Variants in MIER1 observed in about 807,000 individuals in gnomAD.
MIER1 encodes MIER1 transcriptional regulator.
A neutral mutation model predicts 75.7 loss-of-function variants in MIER1; 40 were observed. The ratio of observed to expected loss-of-function variants is 0.53; its 90% CI spans 0.41 to 0.69. The LOEUF is 0.69. Ranked by LOEUF, MIER1 falls within the 30% of genes least tolerant of loss-of-function variation. The pLI is 0.00. For synonymous variants in MIER1, 213 were observed against 223.4 expected (o/e 0.95, Z 0.42); for missense variants, 574 against 680.2 (o/e 0.84, Z 1.74).
chr1:66,981,498 G>C (rs1457152554), intron 12 of MIER1, among the ~76,000 whole-genome samples: 1 of 151,952 alleles, frequency 6.6e-6, no homozygotes, highest in Non-Finnish European at 1.5e-5. Context: ...GTTCTAGTTG[G>C]GCCACTCTGA....
In MIER1 at chr1:66,963,091, A is replaced by G. The variant is rs757033519; in HGVS notation, c.703A>G (p.Ile235Val). ...TTTTATGTTATTTTTAAAATAGGAG[A>G]TTATGGTGGGCTCCATGTTTCAAGC... is the stretch of plus-strand genomic sequence containing the variant. ...YIPSEDWKKE[I>V]MVGSMFQAEI... The change falls in exon 8 of 14, where the codon ATT becomes GTT. Residue 235 changes from isoleucine (I) to valine (V), a missense_variant. This residue lies in a region of MIER1 where 309 missense variants were observed against 352.8 expected (regional missense o/e 0.88). Transcript: ENST00000401041. The G allele has an allele frequency of 6.2e-7, 1 of 1,604,672 alleles. No homozygotes were observed. The highest frequency in any genetic ancestry group is 8.5e-7 in the Non-Finnish European group (1 of 1,172,064).
chr1:66,946,513 T>C (rs1454474618), intron 4 of MIER1: 2 of 1,245,132 alleles, frequency 1.6e-6, no homozygotes, highest in South Asian at 2.5e-5. Flanking sequence ...CATAGTTACT[T>C]TGGTAAAACA....
At chr1:66,968,193 T>TG (rs1459675124) in intron 8 of MIER1, among the ~76,000 whole-genome samples, 6 of 152,142 alleles carry the variant, frequency 3.9e-5, no homozygotes, top group African/African-American at 1.4e-4. Flanking sequence ...GAGATTGCTT[T>TG]GGAGGGATCG....
chr1:66,954,714 T>G (rs535891358), intron 4 of MIER1, among the ~76,000 whole-genome samples: 6 of 152,058 alleles, frequency 3.9e-5, no homozygotes, highest in Admixed American at 3.9e-4. Flanking sequence ...TTTCCTTTTT[T>G]TTTTTTCTTG....
At chr1:66,935,452 T>G (rs1654563819) in intron 2 of MIER1, among the ~76,000 whole-genome samples, 1 of 152,172 alleles carries the variant, frequency 6.6e-6, no homozygotes, top group Non-Finnish European at 1.5e-5. Flanking sequence ...ATGTACCCCC[T>G]AAAACACTGA....
rs1408245812 is a variant in MIER1, at chr1:66,972,908, G to C, written c.1018G>C (p.Val340Leu). Residue 340 changes from valine (V) to leucine (L), a missense_variant, in exon 11 of 14, where the codon GTT becomes CTT. Physicochemically the swap from Val to Leu is conservative, Grantham distance 32 (BLOSUM62 1). Around this residue, in one of 3 missense-constraint regions of MIER1, gnomAD observed 101 missense variants for 173.1 expected, o/e 0.58. Transcript: ENST00000401041. ...NVKAAREELSVWTEEECRNFE... is the reference protein window; with the variant it reads ...NVKAAREELSLWTEEECRNFE... The stretch of plus-strand genomic sequence containing the variant: ...TCCCATCTTGTCAGAGGAATTATCT[G>C]TTTGGACAGAGGAAGAGTGTAGAAA... 2 of 1,590,202 alleles carry C rather than the reference G, an allele frequency of 1.3e-6. No homozygotes were observed. The highest frequency in any genetic ancestry group is 2.2e-5 in the East Asian group (1 of 44,620).
chr1:66,985,963 C>T lies in MIER1; in HGVS notation c.*1063C>T. 1 of 985,014 alleles carries T rather than the reference C, an allele frequency of 1.0e-6. No individual in the cohort carries two copies. The highest frequency in any genetic ancestry group is 1.2e-6 in the Non-Finnish European group (1 of 829,734). 61.0% of individuals were successfully genotyped at this position (985,014 alleles called of 1,614,324 possible). ...TTGAAGCAAGACAAAAGTTTAATGT[C>T]AGCTTAAGTGCTTAAATATATCATG... On this transcript the variant is annotated 3_prime_UTR_variant, in exon 14 of 14. Transcript: ENST00000401041.
intron 3 of MIER1, chr1:66,940,270 C>CTTTTTTTTTTTTTTT (rs35904130): frequency 7.9e-6 from 1 of 126,650 alleles, no homozygotes; most frequent in Non-Finnish European, 1.4e-5. Context: ...TTTGGGTTTT[C>CTTTTTTTTTTTTTTT]TTTTTTTTTT....
chr1:66,959,811 A>ATTTT, intron 7 of MIER1, 68 bp downstream of exon 7: 1 of 497,838 alleles, frequency 2.0e-6, no homozygotes, highest in South Asian at 4.4e-5. Flanking sequence ...TCGTGTAATT[A>ATTTT]TTTTTTTTTT....
At chr1:66,930,730 G>T (rs1255834921) in intron 2 of MIER1, among the ~76,000 whole-genome samples, 3 of 152,144 alleles carry the variant, frequency 2.0e-5, no homozygotes, top group African/African-American at 2.4e-5. Flanking sequence ...TAGGGGCCAG[G>T]AGAGAAGCTG....
chr1:66,973,105 C>A, intron 11 of MIER1, 114 bp downstream of exon 11: 1 of 603,432 alleles, frequency 1.7e-6, no homozygotes. Flanking sequence ...ATTAATATGA[C>A]AATATTTTGG....
Position 66,925,108 on chromosome 1 carries a change from T to C in MIER1, c.67+13T>C, listed in dbSNP as rs1651165238. 1 of 1,546,142 alleles carries C rather than the reference T, an allele frequency of 6.5e-7. No homozygotes were observed. Among genetic ancestry groups the C allele is most frequent in the Non-Finnish European group, 8.7e-7 (1 of 1,145,436 alleles). ...AGCGGCAGCGGCTGTAAGTGCAGCC[T>C]CCACAAGCCATCTCTCCCCTTCTAT... is the stretch of plus-strand genomic sequence containing the variant. On this transcript the variant is annotated intron_variant, in intron 1 of 13. Coordinates refer to ENST00000401041, the MANE Select transcript of MIER1 (RefSeq NM_001077700.3).
In MIER1 at chr1:66,925,271, G is replaced by T. The variant is rs1274798484; in HGVS notation, c.67+176G>T. The T allele has an allele frequency of 4.1e-6, 4 of 984,012 alleles. No individual in the cohort carries two copies. The African/African-American group carries it at 7.0e-5, about 17-fold the overall frequency. 61.0% of individuals were successfully genotyped at this position (984,012 alleles called of 1,614,324 possible). On this transcript the variant is annotated intron_variant, in intron 1 of 13. Coordinates refer to ENST00000401041, the MANE Select transcript of MIER1 (RefSeq NM_001077700.3). ...GCAGAACGCGCCTGGCTTGCTCTCCGCCGGCTGCCAAAGGCGCATGCGCAG... is the reference window on the plus strand; with the variant it reads ...GCAGAACGCGCCTGGCTTGCTCTCCTCCGGCTGCCAAAGGCGCATGCGCAG...
chr1:66,968,128 G>T (rs1456042757), intron 8 of MIER1, among the ~76,000 whole-genome samples: 2 of 152,022 alleles, frequency 1.3e-5, no homozygotes, highest in African/African-American at 4.8e-5. Flanking sequence ...TTCTCATTTT[G>T]AGAATTTAAG....
chr1:66,938,629 A>G (rs1392584739), intron 2 of MIER1, among the ~76,000 whole-genome samples: 1 of 152,180 alleles, frequency 6.6e-6, no homozygotes, highest in Non-Finnish European at 1.5e-5. Context: ...TTGTGGTTGC[A>G]TTACTCTTGT....
intron 8 of MIER1, among the ~76,000 whole-genome samples, chr1:66,964,884 A>C (rs1480024184): frequency 6.6e-6 from 1 of 152,166 alleles, no homozygotes; most frequent in Non-Finnish European, 1.5e-5. Flanking sequence ...TATTAATAGA[A>C]GTTTTTTGTT....
rs150870135 is a variant in MIER1, at chr1:66,985,814, A to ATTTTTTTT, written c.*930_*937dup. ...TAAAGCATTCATAAAGGATTATAAAATTTTTTTTTTTTTTTTTTTTTTTAA... is the reference window on the plus strand; with the variant it reads ...TAAAGCATTCATAAAGGATTATAAAATTTTTTTTTTTTTTTTTTTTTTTTTTTTTTTAA... On this transcript the variant is annotated 3_prime_UTR_variant, in exon 14 of 14. Coordinates refer to ENST00000401041, the MANE Select transcript of MIER1 (RefSeq NM_001077700.3). 2 of 630,458 alleles carry ATTTTTTTT rather than the reference A, an allele frequency of 3.2e-6. No homozygotes were observed. Among genetic ancestry groups the ATTTTTTTT allele is most frequent in the Non-Finnish European group, 1.9e-6 (1 of 517,634 alleles). The allele number at this position is 630,458 out of a possible 1,614,324, so 39.1% of individuals were successfully genotyped here.
At position 66,985,007 on chromosome 1, in the gene MIER1, TTTGAA is replaced by T; in HGVS notation, c.*112_*116del. 1 of 1,426,474 alleles carries T rather than the reference TTTGAA, an allele frequency of 7.0e-7. No individual in the cohort carries two copies. Among genetic ancestry groups the T allele is most frequent in the African/African-American group, 1.5e-5 (1 of 68,942 alleles). The allele number at this position is 1,426,474 out of a possible 1,614,324, so 88.4% of individuals were successfully genotyped here. ...TGATTTCCTTGAAGCAGTTTGAAAATTTGAATTGAGTCTTAACTTTAGGAAATGAG... is the reference window on the plus strand; with the variant it reads ...TGATTTCCTTGAAGCAGTTTGAAAATTTGAGTCTTAACTTTAGGAAATGAG... On this transcript the variant is annotated 3_prime_UTR_variant, in exon 14 of 14. Coordinates refer to ENST00000401041, the MANE Select transcript of MIER1 (RefSeq NM_001077700.3).
intron 4 of MIER1, among the ~76,000 whole-genome samples, chr1:66,956,193 G>A (rs1421244016): frequency 5.3e-5 from 8 of 152,190 alleles, no homozygotes; most frequent in Non-Finnish European, 1.2e-4. Context: ...AAGCCAAGGT[G>A]GGCAGATCGC....
Sources: gnomAD v4.1 joint callset for allele counts (sites outside exome capture counted in the v4.1 genomes callset) on GRCh38, gnomAD v4.1.1 for gene constraint, gnomAD v4.1.1 regional missense constraint, MANE v1.5 for transcripts, NCBI Gene and HGNC (gene_info 2026-07-23, HGNC 2026-07-21) for gene names.